The following PARL variants were observed in gnomAD, a reference collection of about 807,000 sequenced individuals.
PARL encodes the protein presenilin associated rhomboid like, also known as presenilin-associated rhomboid-like protein, mitochondrial.
PARL carries 44 observed loss-of-function variants against 51.6 expected under a neutral mutation model. That is an observed-to-expected ratio of 0.85 (90% CI 0.67 to 1.10). PARL has a LOEUF of 1.10. Ranked by LOEUF, PARL falls within the 50% of genes least tolerant of loss-of-function variation. PARL has a pLI of 0.00. For synonymous variants in PARL, 172 were observed against 164.0 expected, an observed-to-expected ratio of 1.05 and a Z score of -0.37; for missense variants, 441 against 469.5, an observed-to-expected ratio of 0.94 and a Z score of 0.56.
At chr3:183,876,610 TAAAAAAAAA>T (rs576376716) in intron 1 of PARL, among the ~76,000 whole-genome samples, 27 of 91,812 alleles carry the variant, frequency 2.9e-4, no homozygotes, top group South Asian at 1.6e-3. Context: ...ATACATTTTG[TAAAAAAAAA>T]AAAAAAAAAA....
At chr3:183,856,117 A>G (rs940963646) in intron 4 of PARL, among the ~76,000 whole-genome samples, 1 of 152,170 alleles carries the variant, frequency 6.6e-6, no homozygotes. Context: ...TATGTGAATT[A>G]TATCTTAATT....
intron 1 of PARL, among the ~76,000 whole-genome samples, chr3:183,880,966 C>A (rs1734368150): frequency 6.6e-6 from 1 of 152,112 alleles, no homozygotes; most frequent in Non-Finnish European, 1.5e-5. Flanking sequence ...GAGGCAGCAC[C>A]ACCATACCCA....
At chr3:183,882,118 C>T (rs528983615) in intron 1 of PARL, among the ~76,000 whole-genome samples, 3 of 148,988 alleles carry the variant, frequency 2.0e-5, no homozygotes, top group South Asian at 2.1e-4. Context: ...GCAGGAGAAT[C>T]GCTTGAACCC....
At chr3:183,862,545 A>C in intron 4 of PARL, 1 of 563,258 alleles carries the variant, frequency 1.8e-6, no homozygotes, top group Non-Finnish European at 3.2e-6. Context: ...ATCATACTAA[A>C]TCAAAATTAG....
chr3:183,871,089 G>T (rs1733135049), intron 1 of PARL, among the ~76,000 whole-genome samples: 1 of 151,908 alleles, frequency 6.6e-6, no homozygotes, highest in Admixed American at 6.6e-5. Flanking sequence ...CTAATAAAAG[G>T]TCAATAATTA....
intron 7 of PARL, 24 bp from the exon 8 acceptor site, chr3:183,833,849 A>G: frequency 6.8e-7 from 1 of 1,470,742 alleles, no homozygotes; most frequent in Non-Finnish European, 9.5e-7. Flanking sequence ...CAGCAGGGAG[A>G]ATGGGAAACT....
At chr3:183,850,294 T>G (rs1730408343) in intron 4 of PARL, among the ~76,000 whole-genome samples, 1 of 152,210 alleles carries the variant, frequency 6.6e-6, no homozygotes, top group Non-Finnish European at 1.5e-5. Context: ...TAGCTTCTGG[T>G]GGCTCTCGAC....
intron 1 of PARL, among the ~76,000 whole-genome samples, chr3:183,873,692 C>T (rs896559315): frequency 1.3e-5 from 2 of 152,102 alleles, no homozygotes; most frequent in Admixed American, 1.3e-4. Context: ...CTTAATACTA[C>T]ACAATCAATT....
intron 6 of PARL, among the ~76,000 whole-genome samples, chr3:183,841,688 C>G (rs534946825): frequency 1.6e-4 from 24 of 152,294 alleles, no homozygotes; most frequent in Middle Eastern, 3.4e-3. Flanking sequence ...CCAACTGTCA[C>G]GTTAGCAGCA....
At chr3:183,874,944 C>T (rs1213174918) in intron 1 of PARL, among the ~76,000 whole-genome samples, 2 of 152,150 alleles carry the variant, frequency 1.3e-5, no homozygotes, top group African/African-American at 4.8e-5. Flanking sequence ...TGGTGGCTTG[C>T]GCCTATAGTA....
chr3:183,864,792 A>C (rs962420416), intron 3 of PARL, among the ~76,000 whole-genome samples: 2 of 151,854 alleles, frequency 1.3e-5, no homozygotes, highest in African/African-American at 4.8e-5. Context: ...AAAAAAAAAG[A>C]AACAAAATAC....
At chr3:183,883,845 T>C (rs547779488) in intron 1 of PARL, 12 of 207,626 alleles carry the variant, frequency 5.8e-5, no homozygotes, top group Admixed American at 3.3e-4. Flanking sequence ...ATAAAATCCA[T>C]ACAAACTCTT....
chr3:183,867,765 C>A, intron 2 of PARL, 100 bp downstream of exon 2: 1 of 849,314 alleles, frequency 1.2e-6, no homozygotes, highest in Non-Finnish European at 2.0e-6. Flanking sequence ...TTTGATCCCC[C>A]CTCTACCTGT....
At chr3:183,827,168 T>C (rs1292515184), downstream of PARL, among the ~76,000 whole-genome samples, 2 of 152,036 alleles carry the variant, frequency 1.3e-5, no homozygotes, top group African/African-American at 2.4e-5. Context: ...GCTTTTCATA[T>C]GGCCGGGTGC....
intron 6 of PARL, 25 bp downstream of exon 6, chr3:183,842,273 A>G: frequency 6.2e-7 from 1 of 1,609,482 alleles, no homozygotes; most frequent in South Asian, 1.1e-5. Flanking sequence ...ATACTCTCAA[A>G]GGCCCCGAGA....
chr3:183,878,930 A>G (rs1734138612), intron 1 of PARL, among the ~76,000 whole-genome samples: 1 of 152,198 alleles, frequency 6.6e-6, no homozygotes, highest in South Asian at 2.1e-4. Flanking sequence ...CTGACCTTTT[A>G]CAAACTAAGT....
chr3:183,865,439 C>A (rs1732357288), intron 3 of PARL, among the ~76,000 whole-genome samples: 1 of 152,206 alleles, frequency 6.6e-6, no homozygotes, highest in South Asian at 2.1e-4. Context: ...TGGTCCGTGG[C>A]CTGTTAGGAA....
intron 4 of PARL, 121 bp downstream of exon 4, chr3:183,862,630 TAC>T: frequency 1.3e-6 from 1 of 764,352 alleles, no homozygotes; most frequent in Non-Finnish European, 2.3e-6. Flanking sequence ...AGCCTATCAG[TAC>T]AGAGACTGTC....
chr3:183,834,553 G>C (rs1367429297), intron 7 of PARL, among the ~76,000 whole-genome samples: 4 of 152,192 alleles, frequency 2.6e-5, no homozygotes, highest in South Asian at 2.1e-4. Flanking sequence ...TTTAGTAGAA[G>C]TAGGTAAGTT....
Sources: gnomAD v4.1 joint callset for allele counts (sites outside exome capture counted in the v4.1 genomes callset) on GRCh38, gnomAD v4.1.1 for gene constraint, MANE v1.5 for transcripts, NCBI Gene and HGNC (gene_info 2026-07-23, HGNC 2026-07-21) for gene names.